The following PPIP5K2 variants were observed in gnomAD, a reference collection of about 807,000 sequenced individuals.
PPIP5K2 encodes the protein inositol hexakisphosphate and diphosphoinositol-pentakisphosphate kinase 2.
Under a neutral mutation model 154.6 loss-of-function variants are expected in PPIP5K2, and 105 were observed. The observed-to-expected ratio is 0.68, with a 90% CI of 0.58 to 0.80. PPIP5K2 has a LOEUF of 0.80. Among genes scored for constraint, PPIP5K2 ranks in the 30% least tolerant of loss-of-function variants. The probability of loss-of-function intolerance (pLI) is 0.00; values close to 1 mark genes in which losing one functional copy is unlikely to be tolerated. For synonymous variants in PPIP5K2, 480 were observed against 490.3 expected, an observed-to-expected ratio of 0.98 and a Z score of 0.28; for missense variants, 992 against 1,504.6, an observed-to-expected ratio of 0.66 and a Z score of 5.64.
At chr5:103,199,662 ATTGGTTGATGTTGAT>A (rs1802663716) in intron 30 of PPIP5K2, among the ~76,000 whole-genome samples, 2 of 150,478 alleles carry the variant, frequency 1.3e-5, no homozygotes, top group Non-Finnish European at 3.0e-5. Flanking sequence ...AAAGATGTTC[ATTGGTTGATGTTGAT>A]TTGGTTGATT....
intron 17 of PPIP5K2, among the ~76,000 whole-genome samples, chr5:103,164,426 G>A (rs551552769): frequency 3.3e-5 from 5 of 151,578 alleles, no homozygotes; most frequent in Admixed American, 6.6e-5. Flanking sequence ...TCTGATTCTC[G>A]AAATTAATAA....
rs1803234445 is a variant in PPIP5K2 at position 103,202,985 on chromosome 5, G to A, written c.*1351G>A. 1 of 152,500 alleles carries A rather than the reference G, an allele frequency of 6.6e-6. No individual in the cohort carries two copies. Among genetic ancestry groups the A allele is most frequent in the African/African-American group, 2.4e-5 (1 of 41,430 alleles). The allele number at this position is 152,500 out of a possible 1,614,324, so 9.4% of individuals were successfully genotyped here. A position where few individuals can be genotyped will look rare whatever the true frequency, so the allele number is the denominator to read the frequency against. ...GAAATAAGCATACTATATGTTAGCTGTTTTAAAAGGTACCAGATGTAAGAG... is the reference window on the plus strand; with the variant it reads ...GAAATAAGCATACTATATGTTAGCTATTTTAAAAGGTACCAGATGTAAGAG... On this transcript the variant is annotated 3_prime_UTR_variant, in exon 31 of 31. Transcript: ENST00000358359.
At position 103,205,932 on chromosome 5, in the gene PPIP5K2, A is replaced by G. The variant is rs1294570603; in HGVS notation, c.*4298A>G. The G allele has an allele frequency of 1.3e-5, 2 of 152,146 alleles. No homozygotes were observed. Among genetic ancestry groups the G allele is most frequent in the African/African-American group, 2.4e-5 (1 of 41,444 alleles). The allele number at this position is 152,146 out of a possible 1,614,324, so 9.4% of individuals were successfully genotyped here. Reference sequence around the variant, plus strand: ...GTCACTTTGTTTTAGGTTATTTAATATAGTATATATTGGGTTTTGCTTTGT... The same window carrying G: ...GTCACTTTGTTTTAGGTTATTTAATGTAGTATATATTGGGTTTTGCTTTGT... On this transcript the variant is annotated 3_prime_UTR_variant, in exon 31 of 31. Transcript: ENST00000358359.
At chr5:103,143,625 A>C (rs959205353) in intron 5 of PPIP5K2, among the ~76,000 whole-genome samples, 33 of 152,228 alleles carry the variant, frequency 2.2e-4, no homozygotes, top group African/African-American at 7.5e-4. Context: ...GAATTCTTGC[A>C]ACAAAACACT....
In PPIP5K2 at chr5:103,203,630, A is replaced by T. The variant is rs1803306335; in HGVS notation, c.*1996A>T. ...GGATTTTTTGGTTTTAAATACTAGA[A>T]GATATTTCTTCTTAGAGCCCAGTCC... On this transcript the variant is annotated 3_prime_UTR_variant, in exon 31 of 31. Transcript: ENST00000358359. The T allele has an allele frequency of 6.6e-6, 1 of 152,156 alleles. No homozygotes were observed. 9.4% of individuals were successfully genotyped at this position (152,156 alleles called of 1,614,324 possible).
chr5:103,128,311 T>C (rs1790055563), intron 1 of PPIP5K2, among the ~76,000 whole-genome samples: 1 of 152,190 alleles, frequency 6.6e-6, no homozygotes, highest in African/African-American at 2.4e-5. Flanking sequence ...TAATTAATTT[T>C]AATATGACCA....
intron 19 of PPIP5K2, among the ~76,000 whole-genome samples, chr5:103,170,087 T>C (rs1247349533): frequency 6.6e-6 from 1 of 151,582 alleles, no homozygotes; most frequent in African/African-American, 2.4e-5. Context: ...AATTAGTCCC[T>C]GAGAGTTGAG....
chr5:103,127,524 C>A (rs1789893401), intron 1 of PPIP5K2, among the ~76,000 whole-genome samples: 1 of 152,142 alleles, frequency 6.6e-6, no homozygotes, highest in African/African-American at 2.4e-5. Flanking sequence ...TAACTATATT[C>A]ATTTCAACAA....
intron 1 of PPIP5K2, among the ~76,000 whole-genome samples, chr5:103,122,898 A>C (rs1789009822): frequency 6.6e-6 from 1 of 152,178 alleles, no homozygotes; most frequent in South Asian, 2.1e-4. Flanking sequence ...TTTGAGGATC[A>C]GGTAGCTCTG....
rs554748498 is a variant in PPIP5K2 at position 103,174,331 on chromosome 5, A to G, written c.2529+359A>G. On this transcript the variant is annotated intron_variant, in intron 21 of 30. Transcript: ENST00000358359. ...CTACTATTATGTACTATCTACTATTATCTACTATTACGTAATGACATACCA... is the reference window on the plus strand; with the variant it reads ...CTACTATTATGTACTATCTACTATTGTCTACTATTACGTAATGACATACCA... 5.4e-5 allele frequency: 9 copies of G among 167,600 alleles called. No individual in the cohort carries two copies. In the South Asian group the frequency reaches 1.0e-3, roughly 19 times the overall value. The allele number at this position is 167,600 out of a possible 1,614,324, so 10.4% of individuals were successfully genotyped here. A position where few individuals can be genotyped will look rare whatever the true frequency, so the allele number is the denominator to read the frequency against.
At position 103,198,135 on chromosome 5, in the gene PPIP5K2, T is replaced by C. The variant is rs754656712; in HGVS notation, c.3619+3110T>C. Among the ~76,000 whole-genome samples the C allele has an allele frequency of 2.6e-5, 4 of 152,154 alleles. No individual in the cohort carries two copies. The South Asian group carries it at 8.3e-4, about 31-fold the overall frequency. On this transcript the variant is annotated intron_variant, in intron 30 of 30. Coordinates refer to ENST00000358359, the MANE Select transcript of PPIP5K2 (RefSeq NM_001276277.3). ...TTCTAGTTTATTTGTGATTTCTTCT[T>C]TGATCCATTGCATATTTAGAAGTAT...
Position 103,178,867 on chromosome 5 carries a change from T to C in PPIP5K2, c.2754+887T>C, listed in dbSNP as rs566751536. Among the ~76,000 whole-genome samples, 827 of 151,972 alleles carry C rather than the reference T, an allele frequency of 5.4e-3. 7 individuals are homozygous for C. Among genetic ancestry groups the C allele is most frequent in the African/African-American group, 0.018 (737 of 41,550 alleles). On this transcript the variant is annotated intron_variant, in intron 23 of 30. Coordinates refer to ENST00000358359, the MANE Select transcript of PPIP5K2 (RefSeq NM_001276277.3). ...GTCATATTAATTCCTAGTTCCTTTA[T>C]AGTTTTTTATGCTGTCATAAATGAT... is the stretch of plus-strand genomic sequence containing the variant.
At chr5:103,191,487 G>A (rs1382947345) in intron 29 of PPIP5K2, among the ~76,000 whole-genome samples, 2 of 152,010 alleles carry the variant, frequency 1.3e-5, no homozygotes, top group Non-Finnish European at 2.9e-5. Context: ...TAATTTGTGT[G>A]TTTGAAGAAA....
chr5:103,209,144 A>C lies in PPIP5K2; in HGVS notation c.*7510A>C, dbSNP rs1169714447. 1 of 152,176 alleles carries C rather than the reference A, an allele frequency of 6.6e-6. No homozygotes were observed. The highest frequency in any genetic ancestry group is 1.5e-5 in the Non-Finnish European group (1 of 68,024). 9.4% of individuals were successfully genotyped at this position (152,176 alleles called of 1,614,324 possible). A position where few individuals can be genotyped will look rare whatever the true frequency, so the allele number is the denominator to read the frequency against. On this transcript the variant is annotated 3_prime_UTR_variant, in exon 31 of 31. Coordinates refer to ENST00000358359, the MANE Select transcript of PPIP5K2 (RefSeq NM_001276277.3). ...ACTATAAAGTGAAGACCAAATTTGAAGGACTATTTGTTTTTGTTGTAATAG... is the reference window on the plus strand; with the variant it reads ...ACTATAAAGTGAAGACCAAATTTGACGGACTATTTGTTTTTGTTGTAATAG...
chr5:103,125,781 A>G (rs1197173863), intron 1 of PPIP5K2, among the ~76,000 whole-genome samples: 1 of 152,040 alleles, frequency 6.6e-6, no homozygotes, highest in Non-Finnish European at 1.5e-5. Flanking sequence ...TTACAGGCGC[A>G]TGCCACCATG....
At position 103,204,748 on chromosome 5, in the gene PPIP5K2, T is replaced by G. The variant is rs1803410365; in HGVS notation, c.*3114T>G. ...TGTTGTTTATATAGGTCAATTTTTGTGGAAGATCTAATTTCTATTTTCAGA... is the reference window on the plus strand; with the variant it reads ...TGTTGTTTATATAGGTCAATTTTTGGGGAAGATCTAATTTCTATTTTCAGA... On this transcript the variant is annotated 3_prime_UTR_variant, in exon 31 of 31. Transcript: ENST00000358359. 6.6e-6 allele frequency: 1 copy of G among 152,188 alleles called. No individual in the cohort carries two copies. The highest frequency in any genetic ancestry group is 2.4e-5 in the African/African-American group (1 of 41,440). 9.4% of individuals were successfully genotyped at this position (152,188 alleles called of 1,614,324 possible).
intron 1 of PPIP5K2, 110 bp downstream of exon 1, chr5:103,120,598 A>T (rs1388013984): frequency 4.5e-6 from 2 of 440,236 alleles, no homozygotes; most frequent in Non-Finnish European, 9.2e-6. Context: ...GACCCTAAAC[A>T]CATGCTCCAC....
rs782128607 is a variant in PPIP5K2 at position 103,173,891 on chromosome 5, T to C, written c.2448T>C (p.His816=). The C allele has an allele frequency of 3.7e-6, 6 of 1,608,056 alleles. No individual in the cohort carries two copies. Among genetic ancestry groups the C allele is most frequent in the South Asian group, 1.1e-5 (1 of 90,828 alleles). The stretch of plus-strand genomic sequence containing the variant: ...GAGGTGTTCTGTCTCCTGAACGTCA[T>C]GTTCGTACTAGATTATATTTTACCA... ...YSRGVLSPER[H]VRTRLYFTSE... The change falls in exon 21 of 31, where the codon CAT becomes CAC. Residue 816 remains histidine, a synonymous_variant. Coordinates refer to ENST00000358359, the MANE Select transcript of PPIP5K2 (RefSeq NM_001276277.3).
intron 2 of PPIP5K2, among the ~76,000 whole-genome samples, chr5:103,129,968 C>G (rs189627308): frequency 6.6e-6 from 1 of 152,138 alleles, no homozygotes; most frequent in East Asian, 1.9e-4. Context: ...CAAAGAGAAA[C>G]AGTAATCTGG....
Sources: allele counts gnomAD v4.1 joint callset (sites outside exome capture counted in the v4.1 genomes callset), GRCh38; gene constraint gnomAD v4.1.1; transcripts MANE v1.5; gene names NCBI Gene and HGNC (gene_info 2026-07-23, HGNC 2026-07-21).